Variants in PRELID2 observed in about 807,000 individuals in gnomAD.
PRELID2 encodes PRELI domain-containing protein 2.
In PRELID2, 25 loss-of-function variants were observed where a neutral mutation model predicts 28.4. That is an observed-to-expected ratio of 0.88 (90% CI 0.64 to 1.23). The LOEUF is 1.23. Among genes scored for constraint, PRELID2 ranks in the 50% most tolerant of loss-of-function variants. PRELID2 has a pLI of 0.00. For missense variants in PRELID2, 201 were observed against 214.4 expected (o/e 0.94, Z 0.39); for synonymous variants, 76 against 71.6 (o/e 1.06, Z -0.31).
downstream of PRELID2, among the ~76,000 whole-genome samples, chr5:145,469,848 A>G (rs560904639): frequency 6.6e-6 from 1 of 152,264 alleles, no homozygotes; most frequent in Non-Finnish European, 1.5e-5. Context: ...CATCTTTGGT[A>G]TTGAGAAATT....
In PRELID2 at chr5:145,790,701, T is replaced by TTG. The variant is rs148531864; in HGVS notation, c.474+5739_474+5740dup. 1.3e-3 allele frequency among the ~76,000 whole-genome samples: 141 copies of TTG among 104,938 alleles called. 1 individual carries two copies. The highest frequency in any genetic ancestry group is 7.6e-3 in the South Asian group (21 of 2,746). 68.8% of individuals were successfully genotyped at this position (104,938 alleles called of 152,430 possible). The stretch of plus-strand genomic sequence containing the variant: ...ATAAGCTTGAATTAATAATTCCACA[T>TTG]TGTGTGTGTGTGTGTGTGTGTATAT... On this transcript the variant is annotated intron_variant, in intron 5 of 6. Coordinates refer to ENST00000683046, the MANE Select transcript of PRELID2 (RefSeq NM_205846.3).
At chr5:145,791,304 C>T (rs577174507) in intron 5 of PRELID2, among the ~76,000 whole-genome samples, 6 of 152,076 alleles carry the variant, frequency 3.9e-5, no homozygotes, top group Admixed American at 1.3e-4. Flanking sequence ...TTACAATTCA[C>T]GTAAGATTTG....
chr5:145,240,621 T>A, the PRELID2 span, among the ~76,000 whole-genome samples: 1 of 152,032 alleles, frequency 6.6e-6, no homozygotes, highest in African/African-American at 2.4e-5. Context: ...TTATAATAAA[T>A]GTCTTTCTAC....
chr5:145,827,837 G>A (rs1400725439), intron 1 of PRELID2, among the ~76,000 whole-genome samples: 1 of 152,110 alleles, frequency 6.6e-6, no homozygotes, highest in South Asian at 2.1e-4. Flanking sequence ...TGCAATGTGG[G>A]GTCCTGAATT....
At chr5:145,508,938 T>C (rs1422177174) in intron 1 of PRELID2, among the ~76,000 whole-genome samples, 1 of 152,140 alleles carries the variant, frequency 6.6e-6, no homozygotes, top group Non-Finnish European at 1.5e-5. Flanking sequence ...ATGTTGAAAG[T>C]AGTAGAGCAG....
chr5:145,437,848 C>T, the PRELID2 span, among the ~76,000 whole-genome samples: 1 of 152,048 alleles, frequency 6.6e-6, no homozygotes, highest in Non-Finnish European at 1.5e-5. Flanking sequence ...CATTTTCGCC[C>T]AAACATAATT....
the PRELID2 span, among the ~76,000 whole-genome samples, chr5:145,272,239 A>C: frequency 6.6e-6 from 1 of 152,204 alleles, no homozygotes. Context: ...TAACATTTCA[A>C]TACTTAGCTG....
the PRELID2 span, among the ~76,000 whole-genome samples, chr5:145,403,889 T>C: frequency 8.8e-4 from 134 of 152,316 alleles, no homozygotes; most frequent in African/African-American, 3.1e-3. Context: ...TGCATCTTCA[T>C]AACAGCCAAT....
the PRELID2 span, among the ~76,000 whole-genome samples, chr5:145,340,021 G>A: frequency 6.6e-6 from 1 of 152,108 alleles, no homozygotes; most frequent in African/African-American, 2.4e-5. Context: ...TAGCTGAGAG[G>A]GGCTCACACC....
At chr5:145,578,596 T>G (rs113409403) in intron 1 of PRELID2, among the ~76,000 whole-genome samples, 13 of 152,214 alleles carry the variant, frequency 8.5e-5, no homozygotes, top group Non-Finnish European at 1.9e-4. Flanking sequence ...TTTGGGTGAC[T>G]GAGAATGTCC....
chr5:145,256,286 A>C, the PRELID2 span, among the ~76,000 whole-genome samples: 1 of 151,982 alleles, frequency 6.6e-6, no homozygotes, highest in Non-Finnish European at 1.5e-5. Flanking sequence ...CTTCCCTGTT[A>C]AACATTTAGA....
Position 145,741,811 on chromosome 5 carries a change from T to C in PRELID2, n.70+23120A>G, listed in dbSNP as rs1480276179. Among the ~76,000 whole-genome samples the C allele has an allele frequency of 5.3e-4, 46 of 87,588 alleles. No individual in the cohort carries two copies. The Admixed American group carries it at 5.5e-3, about 10-fold the overall frequency. The allele number at this position is 87,588 out of a possible 152,430, so 57.5% of individuals were successfully genotyped here. Reference sequence around the variant, plus strand: ...TAAAGTATTTATATATAAATTTATTTATAAATATACAAATATTTATATAAT... The same window carrying C: ...TAAAGTATTTATATATAAATTTATTCATAAATATACAAATATTTATATAAT... On this transcript the variant is annotated intron_variant and non_coding_transcript_variant, in intron 1 of 2. Coordinates refer to the PRELID2 transcript ENST00000510259.
chr5:145,664,881 G>A (rs571728015), intron 1 of PRELID2, among the ~76,000 whole-genome samples: 4 of 152,068 alleles, frequency 2.6e-5, no homozygotes, highest in African/African-American at 4.8e-5. Flanking sequence ...CAGCTGCCAA[G>A]GAGCTGTCAG....
At chr5:145,434,908 C>T in the PRELID2 span, among the ~76,000 whole-genome samples, 1 of 152,296 alleles carries the variant, frequency 6.6e-6, no homozygotes, top group East Asian at 1.9e-4. Context: ...GGGAAGAAGA[C>T]TCAGGTTCAA....
At chr5:145,270,965 T>C in the PRELID2 span, among the ~76,000 whole-genome samples, 1 of 152,030 alleles carries the variant, frequency 6.6e-6, no homozygotes, top group Non-Finnish European at 1.5e-5. Flanking sequence ...CTTACAATCA[T>C]GGAGGAAGGC....
chr5:145,593,032 T>C (rs1010914526), intron 1 of PRELID2, among the ~76,000 whole-genome samples: 2 of 152,180 alleles, frequency 1.3e-5, no homozygotes, highest in African/African-American at 4.8e-5. Context: ...AGAAAAGTAA[T>C]TATGTTAGTG....
At chr5:145,821,446 C>A (rs144863101) in intron 2 of PRELID2, among the ~76,000 whole-genome samples, 1 of 151,902 alleles carries the variant, frequency 6.6e-6, no homozygotes, top group South Asian at 2.1e-4. Flanking sequence ...TTTTGTTCTG[C>A]GGTGAAGTTT....
chr5:145,772,196 T>C (rs888620558), intron 5 of PRELID2, among the ~76,000 whole-genome samples: 16 of 144,208 alleles, frequency 1.1e-4, no homozygotes, highest in African/African-American at 3.5e-4. Flanking sequence ...CCATCTCCCC[T>C]TTTTTTTTTT....
the PRELID2 span, among the ~76,000 whole-genome samples, chr5:145,305,707 C>T: frequency 6.6e-6 from 1 of 152,160 alleles, no homozygotes; most frequent in Non-Finnish European, 1.5e-5. Flanking sequence ...AACTTACACA[C>T]ACACATACAA....
Sources: allele counts gnomAD v4.1 joint callset (sites outside exome capture counted in the v4.1 genomes callset), GRCh38; gene constraint gnomAD v4.1.1; transcripts MANE v1.5; gene names NCBI Gene and HGNC (gene_info 2026-07-23, HGNC 2026-07-21).